The following CCSER1 variants were observed in gnomAD, a reference collection of about 807,000 sequenced individuals.
The protein encoded by CCSER1 is coiled-coil serine rich protein 1.
Under a neutral mutation model 82.0 loss-of-function variants are expected in CCSER1, and 41 were observed. That is an observed-to-expected ratio of 0.50 (90% CI 0.39 to 0.65). The LOEUF (loss-of-function observed/expected upper bound fraction) is 0.65, where lower values mean the gene tolerates loss of function less well. Ranked by LOEUF, CCSER1 falls within the 30% of genes least tolerant of loss-of-function variation. CCSER1 has a pLI of 0.00. For missense variants in CCSER1, 1,119 were observed against 1,064.2 expected (o/e 1.05, Z -0.72); for synonymous variants, 414 against 383.9 (o/e 1.08, Z -0.92).
chr4:90,439,154 G>C (rs1370814628), intron 4 of CCSER1, among the ~76,000 whole-genome samples: 3 of 152,028 alleles, frequency 2.0e-5, no homozygotes, highest in South Asian at 4.2e-4. Flanking sequence ...TTAGTCAGTC[G>C]TGGGCACCTG....
At chr4:90,905,698 C>A (rs574696513) in intron 8 of CCSER1, among the ~76,000 whole-genome samples, 2 of 152,104 alleles carry the variant, frequency 1.3e-5, no homozygotes, top group Non-Finnish European at 2.9e-5. Context: ...AACAATGACC[C>A]TTTGCTTACA....
chr4:90,975,529 T>C (rs1244402382), intron 9 of CCSER1, among the ~76,000 whole-genome samples: 1 of 151,258 alleles, frequency 6.6e-6, no homozygotes, highest in Admixed American at 6.6e-5. Context: ...GTAAAGCTGT[T>C]ATAAAAGAAA....
At chr4:90,396,636 C>CT (rs564138264) in intron 3 of CCSER1, among the ~76,000 whole-genome samples, 2 of 151,826 alleles carry the variant, frequency 1.3e-5, no homozygotes, top group Non-Finnish European at 2.9e-5. Flanking sequence ...ATACTGATTA[C>CT]TTTTTTTTCA....
chr4:91,423,060 T>C (rs918630747), intron 10 of CCSER1, among the ~76,000 whole-genome samples: 3 of 152,132 alleles, frequency 2.0e-5, no homozygotes, highest in Admixed American at 1.3e-4. Context: ...TTATATGGCA[T>C]GAAAATGCAT....
chr4:91,582,753 T>C (rs1341066903), intron 10 of CCSER1, among the ~76,000 whole-genome samples: 1 of 151,460 alleles, frequency 6.6e-6, no homozygotes, highest in Non-Finnish European at 1.5e-5. Flanking sequence ...ATCTATCATC[T>C]CTGATGGGAT....
intron 9 of CCSER1, among the ~76,000 whole-genome samples, chr4:90,946,531 G>A (rs927566946): frequency 2.6e-5 from 4 of 151,828 alleles, no homozygotes; most frequent in African/African-American, 9.7e-5. Context: ...TTCTGGAGGC[G>A]GAGGTAGGAG....
In CCSER1 at chr4:90,284,885, A is replaced by G. The variant is rs559603355; in HGVS notation, c.-41-23359A>G. On this transcript the variant is annotated intron_variant, in intron 1 of 10. Transcript: ENST00000509176. ...GTTTTCCCAGCACCATTTATTGAAG[A>G]GACAGACTGTCCTTTCCCCAAGGTA... is the stretch of plus-strand genomic sequence containing the variant. Among the ~76,000 whole-genome samples, 3 of 152,128 alleles carry G rather than the reference A, an allele frequency of 2.0e-5. No homozygotes were observed. The South Asian group carries it at 6.2e-4, about 32-fold the overall frequency.
intron 1 of CCSER1, among the ~76,000 whole-genome samples, chr4:90,151,069 GA>G (rs1353884511): frequency 2.6e-5 from 4 of 151,994 alleles, no homozygotes; most frequent in Admixed American, 6.6e-5. Flanking sequence ...GCATGAATGA[GA>G]ATATGAAAGA....
intron 10 of CCSER1, among the ~76,000 whole-genome samples, chr4:91,295,558 A>G (rs1189031042): frequency 2.0e-5 from 3 of 151,970 alleles, no homozygotes; most frequent in East Asian, 1.9e-4. Context: ...AAAAATTAAA[A>G]TATCAATTTT....
At chr4:90,652,531 G>A (rs911867313) in intron 6 of CCSER1, among the ~76,000 whole-genome samples, 4 of 152,196 alleles carry the variant, frequency 2.6e-5, no homozygotes, top group African/African-American at 7.2e-5. Flanking sequence ...AGAAGCCTTA[G>A]GGTGTCTCTG....
chr4:90,400,916 C>T (rs189940279), intron 4 of CCSER1, among the ~76,000 whole-genome samples: 6 of 152,112 alleles, frequency 3.9e-5, no homozygotes, highest in Admixed American at 1.3e-4. Flanking sequence ...AGCTTTAGAA[C>T]GTTGGGACCT....
chr4:90,421,348 T>G (rs1756662133), intron 4 of CCSER1, among the ~76,000 whole-genome samples: 4 of 152,226 alleles, frequency 2.6e-5, no homozygotes. Flanking sequence ...CCACATTTTC[T>G]GTACCCTTAC....
intron 5 of CCSER1, among the ~76,000 whole-genome samples, chr4:90,602,449 G>A (rs1214221407): frequency 6.6e-6 from 1 of 152,122 alleles, no homozygotes; most frequent in Admixed American, 6.5e-5. Flanking sequence ...GGCTTGATCA[G>A]ATTTGACAAA....
At chr4:90,673,153 G>T (rs1001139776) in intron 6 of CCSER1, among the ~76,000 whole-genome samples, 2 of 151,806 alleles carry the variant, frequency 1.3e-5, no homozygotes, top group African/African-American at 4.8e-5. Flanking sequence ...TTTGTAAAAA[G>T]CACAATAAAG....
chr4:90,201,102 A>T (rs1737612761), intron 1 of CCSER1, among the ~76,000 whole-genome samples: 1 of 152,200 alleles, frequency 6.6e-6, no homozygotes, highest in South Asian at 2.1e-4. Flanking sequence ...CAATTCTTAG[A>T]GTGCATGCTT....
At chr4:91,111,644 T>C (rs750284339) in intron 10 of CCSER1, among the ~76,000 whole-genome samples, 7 of 151,812 alleles carry the variant, frequency 4.6e-5, no homozygotes, top group Non-Finnish European at 1.0e-4. Context: ...CATAAATTTG[T>C]AGGTATTAAG....
At chr4:91,246,812 A>T (rs1739815297) in intron 10 of CCSER1, among the ~76,000 whole-genome samples, 1 of 123,490 alleles carries the variant, frequency 8.1e-6, no homozygotes, top group Non-Finnish European at 1.7e-5. Context: ...GGCATCTCAT[A>T]CACACATACA....
At chr4:91,549,386 A>G (rs1762051767) in intron 10 of CCSER1, among the ~76,000 whole-genome samples, 1 of 151,944 alleles carries the variant, frequency 6.6e-6, no homozygotes, top group Non-Finnish European at 1.5e-5. Flanking sequence ...ATTCTCTTCC[A>G]GCTGTGTTTA....
At chr4:90,847,341 C>T (rs773748769) in intron 8 of CCSER1, among the ~76,000 whole-genome samples, 2 of 152,228 alleles carry the variant, frequency 1.3e-5, no homozygotes, top group Non-Finnish European at 2.9e-5. Flanking sequence ...TGGCCTGCGG[C>T]AGTGTCCCCT....
Sources: gnomAD v4.1 joint callset for allele counts (sites outside exome capture counted in the v4.1 genomes callset) on GRCh38, gnomAD v4.1.1 for gene constraint, MANE v1.5 for transcripts, NCBI Gene and HGNC (gene_info 2026-07-23, HGNC 2026-07-21) for gene names.